The following ESRRG variants were observed in gnomAD, a reference collection of about 807,000 sequenced individuals.
ESRRG encodes the protein estrogen related receptor gamma.
A neutral mutation model predicts 44.0 loss-of-function variants in ESRRG; 13 were observed. That is an observed-to-expected ratio of 0.30 (90% CI 0.19 to 0.47). The LOEUF is 0.47. Among genes scored for constraint, ESRRG ranks in the 20% least tolerant of loss-of-function variants. The pLI is 1.00. For synonymous variants in ESRRG, 215 were observed against 214.6 expected (o/e 1.00, Z -0.02); for missense variants, 395 against 580.6 (o/e 0.68, Z 3.29).
chr1:216,661,583 C>T (rs2072433418), intron 2 of ESRRG, among the ~76,000 whole-genome samples: 2 of 152,104 alleles, frequency 1.3e-5, no homozygotes. Context: ...CAGTTAGGGG[C>T]ATTTGGATGA....
At chr1:216,723,873 T>A, upstream of ESRRG, among the ~76,000 whole-genome samples, 1 of 152,084 alleles carries the variant, frequency 6.6e-6, no homozygotes, top group Non-Finnish European at 1.5e-5. Flanking sequence ...TCTCAGTTAA[T>A]TTGGGAAAGG....
At chr1:216,678,785 T>C (rs1559176146) in intron 1 of ESRRG, among the ~76,000 whole-genome samples, 1 of 152,146 alleles carries the variant, frequency 6.6e-6, no homozygotes, top group Non-Finnish European at 1.5e-5. Flanking sequence ...AAAATTGATT[T>C]ATGGGAATCC....
At chr1:216,814,932 G>A (rs2095087964) in intron 2 of ESRRG, among the ~76,000 whole-genome samples, 2 of 152,202 alleles carry the variant, frequency 1.3e-5, no homozygotes, top group Admixed American at 1.3e-4. Context: ...AAGATGTTCA[G>A]CACCAAAGAT....
intron 1 of ESRRG, among the ~76,000 whole-genome samples, chr1:216,980,673 C>T (rs1379258895): frequency 6.6e-6 from 1 of 152,164 alleles, no homozygotes; most frequent in East Asian, 1.9e-4. Flanking sequence ...TTTCTGTAAC[C>T]TCAAGCTGAA....
chr1:217,016,117 T>A (rs550621032), intron 1 of ESRRG, among the ~76,000 whole-genome samples: 66 of 151,692 alleles, frequency 4.4e-4, no homozygotes, highest in Admixed American at 4.6e-4. Flanking sequence ...ATAAAAGAGG[T>A]TAGGAAAAGA....
intron 1 of ESRRG, among the ~76,000 whole-genome samples, chr1:216,712,106 A>T (rs2083733542): frequency 6.6e-6 from 1 of 152,198 alleles, no homozygotes. Context: ...AAAATGAGAG[A>T]ACTTATCTAA....
chr1:217,072,339 A>T (rs1487456705), intron 1 of ESRRG, among the ~76,000 whole-genome samples: 1 of 152,200 alleles, frequency 6.6e-6, no homozygotes, highest in Admixed American at 6.5e-5. Flanking sequence ...GTTGAAAACC[A>T]CTGAGCTACA....
At chr1:216,924,020 G>A (rs2062184098) in intron 2 of ESRRG, among the ~76,000 whole-genome samples, 1 of 152,200 alleles carries the variant, frequency 6.6e-6, no homozygotes. Context: ...CTTTCAAAAT[G>A]AGGGAGCCCA....
intron 1 of ESRRG, among the ~76,000 whole-genome samples, chr1:216,992,825 A>G (rs1300064501): frequency 1.3e-5 from 2 of 152,200 alleles, no homozygotes; most frequent in Non-Finnish European, 2.9e-5. Flanking sequence ...AATAGTTACC[A>G]TTAATTAAGT....
chr1:216,653,717 C>G (rs1056291333), intron 2 of ESRRG, among the ~76,000 whole-genome samples: 1 of 152,120 alleles, frequency 6.6e-6, no homozygotes, highest in African/African-American at 2.4e-5. Flanking sequence ...TTCAGGTACT[C>G]TCATCATATC....
chr1:216,974,928 C>T (rs1477846093), intron 1 of ESRRG, among the ~76,000 whole-genome samples: 1 of 151,430 alleles, frequency 6.6e-6, no homozygotes, highest in African/African-American at 2.4e-5. Context: ...TACAATCATG[C>T]TTTAAGAAGT....
At chr1:217,016,650 A>G (rs1357344178) in intron 1 of ESRRG, among the ~76,000 whole-genome samples, 1 of 152,130 alleles carries the variant, frequency 6.6e-6, no homozygotes, top group East Asian at 1.9e-4. Flanking sequence ...ATACTTATAA[A>G]TGATTTACCT....
chr1:216,713,278 C>G (rs1033538127), intron 1 of ESRRG, among the ~76,000 whole-genome samples: 1 of 150,852 alleles, frequency 6.6e-6, no homozygotes, highest in Non-Finnish European at 1.5e-5. Context: ...AAGGGAGGTG[C>G]TTTAAGATGG....
At position 216,504,948 on chromosome 1, in the gene ESRRG, T is replaced by C. The variant is rs1165714663; in HGVS notation, c.*1991A>G. On this transcript the variant is annotated 3_prime_UTR_variant, in exon 7 of 7. Coordinates refer to ENST00000408911, the MANE Select transcript of ESRRG (RefSeq NM_001438.4). Reference sequence around the variant, plus strand: ...TCCTGAGGAATTGTACATCCAATATTGTCTCTAATTCTACCCTGTGTCTAA... The same window carrying C: ...TCCTGAGGAATTGTACATCCAATATCGTCTCTAATTCTACCCTGTGTCTAA... The C allele has an allele frequency of 6.6e-6, 1 of 152,610 alleles. No homozygotes were observed. The highest frequency in any genetic ancestry group is 1.5e-5 in the Non-Finnish European group (1 of 68,034). 9.5% of individuals were successfully genotyped at this position (152,610 alleles called of 1,614,324 possible). A position where few individuals can be genotyped will look rare whatever the true frequency, so the allele number is the denominator to read the frequency against.
At position 216,873,503 on chromosome 1, in the gene ESRRG, C is replaced by T. The variant is rs1215053913; in HGVS notation, c.-14+66079G>A. On this transcript the variant is annotated intron_variant, in intron 2 of 7. Coordinates refer to the ESRRG transcript ENST00000359162. ...TGCTGGGATTACAGGCATGAGCCACCGGGCCCGGCCAGGAGTTCATAAACA... is the reference window on the plus strand; with the variant it reads ...TGCTGGGATTACAGGCATGAGCCACTGGGCCCGGCCAGGAGTTCATAAACA... 5.9e-5 allele frequency among the ~76,000 whole-genome samples: 9 copies of T among 152,134 alleles called. No individual in the cohort carries two copies. The East Asian group carries it at 7.8e-4, about 13-fold the overall frequency.
chr1:216,512,238 A>G (rs2148800770), intron 6 of ESRRG, among the ~76,000 whole-genome samples: 1 of 152,344 alleles, frequency 6.6e-6, no homozygotes. Context: ...TGCCATAGGG[A>G]TAGAACCTGA....
intron 5 of ESRRG, among the ~76,000 whole-genome samples, chr1:216,559,649 A>C (rs770620539): frequency 1.3e-5 from 2 of 152,150 alleles, no homozygotes; most frequent in Non-Finnish European, 2.9e-5. Flanking sequence ...ACATTAAATT[A>C]TTTTTGCCAC....
At chr1:217,121,009 A>G (rs1207804536) in intron 1 of ESRRG, among the ~76,000 whole-genome samples, 1 of 152,172 alleles carries the variant, frequency 6.6e-6, no homozygotes, top group Non-Finnish European at 1.5e-5. Flanking sequence ...ACAATCCATT[A>G]CATTTGTGGA....
intron 2 of ESRRG, among the ~76,000 whole-genome samples, chr1:216,885,901 G>A (rs920287044): frequency 2.6e-5 from 4 of 151,184 alleles, no homozygotes; most frequent in Admixed American, 6.6e-5. Context: ...ACCACTACTC[G>A]TTAAGGCCAA....
Sources: gnomAD v4.1 joint callset for allele counts (sites outside exome capture counted in the v4.1 genomes callset) on GRCh38, gnomAD v4.1.1 for gene constraint, MANE v1.5 for transcripts, NCBI Gene and HGNC (gene_info 2026-07-23, HGNC 2026-07-21) for gene names.